C12orf42: variants seen among roughly 807,000 people sequenced by gnomAD.
The protein encoded by C12orf42 is chromosome 12 open reading frame 42, also known as uncharacterized protein C12orf42.
Under a neutral mutation model 21.6 loss-of-function variants are expected in C12orf42, and 25 were observed. The ratio of observed to expected loss-of-function variants is 1.16; its 90% CI spans 0.84 to 1.62. The LOEUF (loss-of-function observed/expected upper bound fraction) is 1.62, where lower values mean the gene tolerates loss of function less well. C12orf42 is among the 40% of genes most tolerant of loss of function. C12orf42 has a pLI of 0.00. For missense variants in C12orf42, 483 were observed against 459.3 expected (o/e 1.05, Z -0.47); for synonymous variants, 174 against 175.0 (o/e 0.99, Z 0.05).
At chr12:103,374,797 C>G (rs1188483854) in intron 3 of C12orf42, among the ~76,000 whole-genome samples, 1 of 152,084 alleles carries the variant, frequency 6.6e-6, no homozygotes, top group East Asian at 1.9e-4. Context: ...GTGGCTTGCT[C>G]CTGGTTGCTC....
At chr12:103,159,878 A>T in the C12orf42 span, among the ~76,000 whole-genome samples, 1 of 152,172 alleles carries the variant, frequency 6.6e-6, no homozygotes, top group Non-Finnish European at 1.5e-5. Flanking sequence ...TTGCATAGTC[A>T]ATTTAGCTTA....
At chr12:103,383,143 T>C (rs193196534) in intron 3 of C12orf42, among the ~76,000 whole-genome samples, 130 of 151,836 alleles carry the variant, frequency 8.6e-4, no homozygotes, top group African/African-American at 3.0e-3. Context: ...TTTCTTTTTT[T>C]GAGATGGAGT....
chr12:103,215,405 G>A, the C12orf42 span, among the ~76,000 whole-genome samples: 2 of 149,284 alleles, frequency 1.3e-5, no homozygotes, highest in African/African-American at 4.9e-5. Context: ...GGATTTTTCT[G>A]CATGGAAGGA....
intron 2 of C12orf42, among the ~76,000 whole-genome samples, chr12:103,451,693 A>G (rs957202091): frequency 6.6e-6 from 1 of 151,960 alleles, no homozygotes; most frequent in African/African-American, 2.4e-5. Context: ...CCAAACCCAA[A>G]CATTTGTTGG....
intron 10 of C12orf42, among the ~76,000 whole-genome samples, chr12:103,257,972 G>A (rs1045198723): frequency 6.6e-6 from 1 of 151,958 alleles, no homozygotes; most frequent in Admixed American, 6.5e-5. Flanking sequence ...GAAAAGTCAC[G>A]TGACTTATAA....
At chr12:103,387,997 A>G (rs1434568773) in intron 3 of C12orf42, among the ~76,000 whole-genome samples, 1 of 152,214 alleles carries the variant, frequency 6.6e-6, no homozygotes, top group Non-Finnish European at 1.5e-5. Flanking sequence ...GTAACTTACA[A>G]GGTTTAAAAT....
At chr12:103,366,691 AC>A (rs1179113453) in intron 4 of C12orf42, among the ~76,000 whole-genome samples, 1 of 152,066 alleles carries the variant, frequency 6.6e-6, no homozygotes. Context: ...CAAATGGCCA[AC>A]AAACATATGA....
chr12:103,516,114 A>G, the C12orf42 span, among the ~76,000 whole-genome samples: 3 of 152,346 alleles, frequency 2.0e-5, no homozygotes, highest in Non-Finnish European at 2.9e-5. Flanking sequence ...TAAACATGAG[A>G]AGTTAATAAC....
chr12:103,425,398 C>T, intron 2 of C12orf42, among the ~76,000 whole-genome samples: 1 of 152,178 alleles, frequency 6.6e-6, no homozygotes, highest in East Asian at 1.9e-4. Flanking sequence ...CTGTGAGATA[C>T]CTCCCAGCAG....
intron 2 of C12orf42, chr12:103,441,337 GT>G (rs1220468733): frequency 6.6e-6 from 1 of 152,168 alleles, no homozygotes; most frequent in Non-Finnish European, 1.5e-5. Flanking sequence ...TGCAAAAATG[GT>G]TGAAATATTT....
At chr12:103,556,776 G>A in the C12orf42 span, among the ~76,000 whole-genome samples, 7 of 152,192 alleles carry the variant, frequency 4.6e-5, no homozygotes, top group South Asian at 4.1e-4. Flanking sequence ...CTTTGCAGTC[G>A]TAATTAAGTT....
At chr12:103,307,523 A>G (rs376444984) in intron 4 of C12orf42, among the ~76,000 whole-genome samples, 4 of 152,118 alleles carry the variant, frequency 2.6e-5, no homozygotes, top group East Asian at 1.9e-4. Flanking sequence ...AAAGTCCCCA[A>G]TTGTCAAAGA....
At chr12:103,067,935 T>C in the C12orf42 span, among the ~76,000 whole-genome samples, 189 of 152,312 alleles carry the variant, frequency 1.2e-3, no homozygotes, top group African/African-American at 4.2e-3. Context: ...AGGGCGTCTC[T>C]TAGTATTGCC....
the C12orf42 span, among the ~76,000 whole-genome samples, chr12:103,137,818 G>T: frequency 1.4e-4 from 21 of 152,126 alleles, no homozygotes; most frequent in African/African-American, 4.8e-4. Context: ...GAGTTAAATA[G>T]TTGATCTCTT....
intron 2 of C12orf42, among the ~76,000 whole-genome samples, chr12:103,466,528 A>T (rs1448000571): frequency 6.6e-6 from 1 of 151,946 alleles, no homozygotes; most frequent in Non-Finnish European, 1.5e-5. Context: ...TATCACTTTT[A>T]ATAATAGGTT....
chr12:103,394,038 T>C (rs1237480112), intron 3 of C12orf42, among the ~76,000 whole-genome samples: 1 of 152,196 alleles, frequency 6.6e-6, no homozygotes, highest in Non-Finnish European at 1.5e-5. Flanking sequence ...CCAAAATGAA[T>C]GGACACTTTT....
At chr12:103,465,939 G>A (rs1365863149) in intron 2 of C12orf42, among the ~76,000 whole-genome samples, 2 of 152,180 alleles carry the variant, frequency 1.3e-5, no homozygotes, top group Non-Finnish European at 2.9e-5. Flanking sequence ...GCATCCTGGG[G>A]ATGAAGCCCA....
At chr12:103,556,674 G>C in the C12orf42 span, among the ~76,000 whole-genome samples, 1 of 152,232 alleles carries the variant, frequency 6.6e-6, no homozygotes, top group East Asian at 1.9e-4. Context: ...ATCTTCACAG[G>C]TTCTGTATGG....
chr12:103,093,631 C>T, the C12orf42 span, among the ~76,000 whole-genome samples: 1 of 152,290 alleles, frequency 6.6e-6, no homozygotes, highest in Admixed American at 6.5e-5. Context: ...GGACTGACCA[C>T]ATTCAGGACT....
Sources: allele counts gnomAD v4.1 joint callset (sites outside exome capture counted in the v4.1 genomes callset), GRCh38; gene constraint gnomAD v4.1.1; transcripts MANE v1.5; gene names NCBI Gene and HGNC (gene_info 2026-07-23, HGNC 2026-07-21).